The following DPM1 variants were observed in gnomAD, a reference collection of about 807,000 sequenced individuals.
DPM1 encodes the protein dolichol-phosphate mannosyltransferase subunit 1.
DPM1 carries 27 observed loss-of-function variants against 39.0 expected under a neutral mutation model. The ratio of observed to expected loss-of-function variants is 0.69; its 90% CI spans 0.51 to 0.95. The LOEUF is 0.95. DPM1 is among the 40% of genes least tolerant of loss of function. The probability of loss-of-function intolerance (pLI) is 0.00; values close to 1 mark genes in which losing one functional copy is unlikely to be tolerated. For missense variants in DPM1, 307 were observed against 315.6 expected (o/e 0.97, Z 0.21); for synonymous variants, 124 against 109.0 (o/e 1.14, Z -0.86).
intron 3 of DPM1, 74 bp downstream of exon 3, chr20:50,948,555 A>T (rs1986411445): frequency 1.4e-6 from 2 of 1,445,100 alleles, no homozygotes; most frequent in Admixed American, 3.3e-5. Flanking sequence ...CCTATTCCAA[A>T]CTGGGAAAAT....
intron 7 of DPM1, among the ~76,000 whole-genome samples, chr20:50,940,086 TTGTGTGTGTGTGTG>T (rs11469059): frequency 7.5e-5 from 11 of 146,636 alleles, no homozygotes; most frequent in Admixed American, 2.7e-4. Context: ...AGGTCCTAAT[TTGTGTGTGTGTGTG>T]TGTGTGTGTG....
chr20:50,946,017 C>G, intron 3 of DPM1, 94 bp from the exon 4 acceptor site: 1 of 1,036,076 alleles, frequency 9.7e-7, no homozygotes, highest in Non-Finnish European at 1.5e-6. Flanking sequence ...CTGAAGAGCA[C>G]ACATTAGTTC....
intron 1 of DPM1, among the ~76,000 whole-genome samples, chr20:50,955,513 T>A (rs1473103465): frequency 6.6e-6 from 1 of 152,250 alleles, no homozygotes; most frequent in Non-Finnish European, 1.5e-5. Flanking sequence ...AAAGAATTCC[T>A]ACACAGAGAA....
chr20:50,938,388 ATT>A (rs1317989390), intron 7 of DPM1, among the ~76,000 whole-genome samples: 13 of 143,620 alleles, frequency 9.1e-5, no homozygotes, highest in Admixed American at 3.5e-4. Flanking sequence ...ATTAAAAAAA[ATT>A]TTTTTTTTTT....
Position 50,940,086 on chromosome 20 carries a change from TTGTGTGTGTGTGTGTGTGTG to T in DPM1, c.563+759_563+778del, listed in dbSNP as rs11469059. ...TGACTGTCAACAGCCAGGTCCTAAT[TTGTGTGTGTGTGTGTGTGTG>T]TGTGTGTGTGTGTGTGTGTCAATTC... is the stretch of plus-strand genomic sequence containing the variant. On this transcript the variant is annotated intron_variant, in intron 7 of 8. Coordinates refer to ENST00000371588, the MANE Select transcript of DPM1 (RefSeq NM_003859.3). Among the ~76,000 whole-genome samples the T allele has an allele frequency of 1.9e-3, 283 of 146,636 alleles. 1 individual carries two copies. Among genetic ancestry groups the T allele is most frequent in the African/African-American group, 6.7e-3 (265 of 39,670 alleles).
intron 2 of DPM1, 21 bp downstream of exon 2, chr20:50,955,165 A>C (rs1166542989): frequency 6.4e-7 from 1 of 1,551,282 alleles, no homozygotes; most frequent in Non-Finnish European, 8.9e-7. Flanking sequence ...CATATCACAG[A>C]AAAATGTTCT....
intron 2 of DPM1, among the ~76,000 whole-genome samples, chr20:50,954,593 T>G (rs938083382): frequency 1.3e-5 from 2 of 152,174 alleles, no homozygotes; most frequent in Admixed American, 6.5e-5. Flanking sequence ...AACTCTATAT[T>G]TGCCTAAGTA....
chr20:50,937,830 A>ATTG (rs1289713311), intron 7 of DPM1, among the ~76,000 whole-genome samples: 1 of 151,878 alleles, frequency 6.6e-6, no homozygotes, highest in Admixed American at 6.6e-5. Flanking sequence ...TATTATTATT[A>ATTG]TTATTATTTT....
intron 7 of DPM1, among the ~76,000 whole-genome samples, chr20:50,939,933 T>A (rs1985565336): frequency 6.6e-6 from 1 of 152,186 alleles, no homozygotes; most frequent in South Asian, 2.1e-4. Flanking sequence ...CCATCCGCAA[T>A]CAGAGATCTT....
chr20:50,941,214 A>C (rs1462248521), intron 6 of DPM1: 1 of 229,122 alleles, frequency 4.4e-6, no homozygotes, highest in Non-Finnish European at 7.6e-6. Flanking sequence ...CCATCACTAC[A>C]AAAAAAAAAG....
chr20:50,950,957 C>T (rs1354659165), intron 2 of DPM1, among the ~76,000 whole-genome samples: 1 of 152,212 alleles, frequency 6.6e-6, no homozygotes, highest in Admixed American at 6.5e-5. Flanking sequence ...CTAAGACCCC[C>T]AGGAGATGCC....
At chr20:50,936,492 T>C (rs993267400) in intron 7 of DPM1, among the ~76,000 whole-genome samples, 5 of 152,202 alleles carry the variant, frequency 3.3e-5, no homozygotes, top group Admixed American at 6.5e-5. Flanking sequence ...TTCTCAGTTA[T>C]CTTTTTATAG....
intron 2 of DPM1, among the ~76,000 whole-genome samples, chr20:50,954,434 T>C (rs906370069): frequency 1.3e-5 from 2 of 152,188 alleles, no homozygotes; most frequent in Non-Finnish European, 2.9e-5. Flanking sequence ...AAAGAATTAA[T>C]CTGTCCACAC....
intron 1 of DPM1, among the ~76,000 whole-genome samples, chr20:50,956,802 T>A (rs1315699556): frequency 6.6e-6 from 1 of 152,050 alleles, no homozygotes; most frequent in Non-Finnish European, 1.5e-5. Context: ...CAAAATGGGG[T>A]CGTTAAAAGC....
intron 5 of DPM1, among the ~76,000 whole-genome samples, 163 bp from the exon 6 acceptor site, chr20:50,942,289 C>T (rs1362713640): frequency 3.3e-5 from 5 of 152,060 alleles, no homozygotes; most frequent in Non-Finnish European, 7.4e-5. Context: ...GGGTGGATCA[C>T]GAGGCCAGGA....
At chr20:50,951,192 C>T (rs759675879) in intron 2 of DPM1, among the ~76,000 whole-genome samples, 4 of 152,240 alleles carry the variant, frequency 2.6e-5, no homozygotes, top group Admixed American at 2.0e-4. Flanking sequence ...TAACAAATCA[C>T]GGAAAGCAAA....
intron 7 of DPM1, among the ~76,000 whole-genome samples, chr20:50,940,040 G>C (rs1053999079): frequency 4.0e-5 from 6 of 151,752 alleles, no homozygotes; most frequent in Non-Finnish European, 8.8e-5. Flanking sequence ...TTTAGTTCTA[G>C]AGAGGCTTCA....
At chr20:50,952,929 A>G (rs1460990705) in intron 2 of DPM1, among the ~76,000 whole-genome samples, 1 of 152,200 alleles carries the variant, frequency 6.6e-6, no homozygotes, top group East Asian at 1.9e-4. Flanking sequence ...ATTTACAGAG[A>G]GCAGATCTTA....
chr20:50,941,896 C>T, intron 6 of DPM1, 135 bp downstream of exon 6: 1 of 762,858 alleles, frequency 1.3e-6, no homozygotes, highest in South Asian at 1.5e-5. Context: ...CTGTAAGAAA[C>T]TATCTGGGAG....
Sources: allele counts gnomAD v4.1 joint callset (sites outside exome capture counted in the v4.1 genomes callset), GRCh38; gene constraint gnomAD v4.1.1; transcripts MANE v1.5; gene names NCBI Gene and HGNC (gene_info 2026-07-23, HGNC 2026-07-21).